Variants in CNTN4 observed in about 807,000 individuals in gnomAD.
The protein encoded by CNTN4 is contactin 4.
A neutral mutation model predicts 122.5 loss-of-function variants in CNTN4; 77 were observed. That is an observed-to-expected ratio of 0.63 (90% CI 0.52 to 0.76). The LOEUF (loss-of-function observed/expected upper bound fraction) is 0.76, where lower values mean the gene tolerates loss of function less well. CNTN4 is among the 30% of genes least tolerant of loss of function. CNTN4 has a pLI of 0.00. For synonymous variants in CNTN4, 512 were observed against 447.0 expected, an observed-to-expected ratio of 1.15 and a Z score of -1.83; for missense variants, 1,256 against 1,259.1, an observed-to-expected ratio of 1.00 and a Z score of 0.04.
intron 4 of CNTN4, among the ~76,000 whole-genome samples, chr3:2,710,328 G>A (rs1325428269): frequency 6.6e-6 from 1 of 152,138 alleles, no homozygotes; most frequent in Non-Finnish European, 1.5e-5. Context: ...AATTGGAGAG[G>A]CAAAGGAAAA....
At position 2,554,629 on chromosome 3, in the gene CNTN4, A is replaced by G. The variant is rs147227344; in HGVS notation, c.-88-16787A>G. Among the ~76,000 whole-genome samples the G allele has an allele frequency of 4.1e-3, 626 of 152,272 alleles. 31 individuals are homozygous for G. In the East Asian group the frequency reaches 0.098, roughly 24 times the overall value. On this transcript the variant is annotated intron_variant, in intron 3 of 24. Transcript: ENST00000418658. ...ATATATATTTTTTATTTTATAGGCG[A>G]TATGATTTTTGTCACACTACTTGCC...
chr3:2,565,823 C>T (rs767759715), intron 3 of CNTN4, among the ~76,000 whole-genome samples: 2 of 152,022 alleles, frequency 1.3e-5, no homozygotes, highest in South Asian at 2.1e-4. Context: ...TTGACTGCAC[C>T]CCTCATTAGC....
At chr3:2,664,605 C>T (rs1231196380) in intron 4 of CNTN4, among the ~76,000 whole-genome samples, 1 of 152,148 alleles carries the variant, frequency 6.6e-6, no homozygotes, top group African/African-American at 2.4e-5. Context: ...TTCAGCCATG[C>T]CTGGGACCCA....
At chr3:2,907,346 G>T (rs1048913559) in intron 12 of CNTN4, among the ~76,000 whole-genome samples, 6 of 152,164 alleles carry the variant, frequency 3.9e-5, no homozygotes, top group Non-Finnish European at 8.8e-5. Context: ...GTCAAGGTGG[G>T]TGGATCACCT....
At chr3:2,410,040 C>T (rs1188913286) in intron 3 of CNTN4, among the ~76,000 whole-genome samples, 2 of 152,172 alleles carry the variant, frequency 1.3e-5, no homozygotes, top group Non-Finnish European at 2.9e-5. Context: ...ATAGTTTGGA[C>T]AGCACCTATA....
intron 2 of CNTN4, among the ~76,000 whole-genome samples, chr3:2,291,548 A>G (rs1440816556): frequency 6.6e-6 from 1 of 152,118 alleles, no homozygotes; most frequent in East Asian, 1.9e-4. Context: ...AATGCATGCT[A>G]GCTTTTTTCC....
chr3:2,287,672 A>AGAG (rs1559415485), intron 2 of CNTN4, among the ~76,000 whole-genome samples: 31 of 63,670 alleles, frequency 4.9e-4, no homozygotes, highest in South Asian at 1.3e-3. Context: ...AAGAAGAAGA[A>AGAG]GAAGAAGAAG....
In CNTN4 at chr3:2,815,873, C is replaced by CATATATATATATATATATATATATAT. The variant is rs58111735; in HGVS notation, c.359-3595_359-3594insATATATATATATATATATATATATAT. Among the ~76,000 whole-genome samples the CATATATATATATATATATATATATAT allele has an allele frequency of 2.5e-3, 351 of 141,030 alleles. 12 individuals are homozygous for CATATATATATATATATATATATATAT. The highest frequency in any genetic ancestry group is 9.8e-3 in the African/African-American group (318 of 32,504). The allele number at this position is 141,030 out of a possible 152,430, so 92.5% of individuals were successfully genotyped here. A position where few individuals can be genotyped will look rare whatever the true frequency, so the allele number is the denominator to read the frequency against. ...CAATAAGTGGCTAAAGAAACTATGG[C>CATATATATATATATATATATATATAT]ATATATATATATATATATGATGGAA... On this transcript the variant is annotated intron_variant, in intron 6 of 24. Coordinates refer to ENST00000418658, the MANE Select transcript of CNTN4 (RefSeq NM_175607.3).
intron 2 of CNTN4, among the ~76,000 whole-genome samples, chr3:2,250,646 G>A (rs576520091): frequency 6.6e-6 from 1 of 151,794 alleles, no homozygotes; most frequent in African/African-American, 2.4e-5. Context: ...TAACCAAACT[G>A]TTTTGGAACC....
At chr3:2,882,226 A>T (rs144886447) in intron 8 of CNTN4, among the ~76,000 whole-genome samples, 362 of 152,196 alleles carry the variant, frequency 2.4e-3, no homozygotes, top group Non-Finnish European at 4.5e-3. Context: ...TTAGCTGGGC[A>T]TGGTGGTGCA....
At chr3:2,627,267 A>C (rs920040840) in intron 4 of CNTN4, among the ~76,000 whole-genome samples, 1 of 152,202 alleles carries the variant, frequency 6.6e-6, no homozygotes, top group Non-Finnish European at 1.5e-5. Context: ...AGTAGTTTTT[A>C]AATGGATTTT....
chr3:2,412,451 C>CT (rs2047259857), intron 3 of CNTN4, among the ~76,000 whole-genome samples: 1 of 152,032 alleles, frequency 6.6e-6, no homozygotes, highest in Admixed American at 6.6e-5. Context: ...CGGGGTTTCA[C>CT]TATGTCGGTC....
At chr3:2,589,546 A>G (rs1039651863) in intron 4 of CNTN4, among the ~76,000 whole-genome samples, 3 of 152,324 alleles carry the variant, frequency 2.0e-5, no homozygotes, top group African/African-American at 7.2e-5. Context: ...CATTGGAAGA[A>G]TGCAAGTGTC....
chr3:2,579,386 C>T (rs1361818899), intron 4 of CNTN4, among the ~76,000 whole-genome samples: 2 of 152,190 alleles, frequency 1.3e-5, no homozygotes, highest in Non-Finnish European at 2.9e-5. Flanking sequence ...GGAGCAGGAA[C>T]AGTCTGGCAG....
chr3:2,795,870 A>G (rs1369021110), intron 6 of CNTN4, among the ~76,000 whole-genome samples: 2 of 152,184 alleles, frequency 1.3e-5, no homozygotes, highest in East Asian at 1.9e-4. Flanking sequence ...AAATAGGTAC[A>G]TGTGATCAAG....
At chr3:2,796,153 T>C (rs1272621713) in intron 6 of CNTN4, among the ~76,000 whole-genome samples, 1 of 152,158 alleles carries the variant, frequency 6.6e-6, no homozygotes, top group Non-Finnish European at 1.5e-5. Context: ...TTAGGTTAAA[T>C]ACTTGGTTTT....
At chr3:2,778,106 C>T (rs1973687) in intron 6 of CNTN4, among the ~76,000 whole-genome samples, 7,687 of 131,110 alleles carry the variant, frequency 0.059, 540 homozygotes, top group Middle Eastern at 0.11. Flanking sequence ...CCCAGCTACT[C>T]AGGAGGCTGA....
chr3:2,475,206 A>G (rs2075803446), intron 3 of CNTN4, among the ~76,000 whole-genome samples: 1 of 152,216 alleles, frequency 6.6e-6, no homozygotes, highest in African/African-American at 2.4e-5. Context: ...GGTGGGAAAT[A>G]TGTCTCAAAA....
chr3:2,540,437 G>T (rs1442284156), intron 3 of CNTN4, among the ~76,000 whole-genome samples: 2 of 152,010 alleles, frequency 1.3e-5, no homozygotes, highest in Non-Finnish European at 2.9e-5. Context: ...GTGGAGGCAT[G>T]GGTGTGGTTG....
Sources: allele counts gnomAD v4.1 joint callset (sites outside exome capture counted in the v4.1 genomes callset), GRCh38; gene constraint gnomAD v4.1.1; transcripts MANE v1.5; gene names NCBI Gene and HGNC (gene_info 2026-07-23, HGNC 2026-07-21).